The following COL23A1 variants were observed in gnomAD, a reference collection of about 807,000 sequenced individuals.
COL23A1 encodes collagen alpha-1(XXIII) chain.
A neutral mutation model predicts 99.3 loss-of-function variants in COL23A1; 97 were observed. That is an observed-to-expected ratio of 0.98 (90% CI 0.83 to 1.16). The LOEUF is 1.16. Among genes scored for constraint, COL23A1 ranks in the 50% most tolerant of loss-of-function variants. COL23A1 has a pLI of 0.00. For missense variants in COL23A1, 762 were observed against 757.4 expected (o/e 1.01, Z -0.07); for synonymous variants, 320 against 308.2 (o/e 1.04, Z -0.40).
At chr5:178,290,444 C>T in intron 3 of COL23A1, 75 bp from the exon 4 acceptor site, 1 of 1,590,954 alleles carries the variant, frequency 6.3e-7, no homozygotes, top group South Asian at 1.1e-5. Flanking sequence ...GCACGGTCCC[C>T]TCACCTGTCC....
intron 2 of COL23A1, among the ~76,000 whole-genome samples, chr5:178,385,150 T>C (rs762330747): frequency 6.6e-6 from 1 of 152,174 alleles, no homozygotes; most frequent in Non-Finnish European, 1.5e-5. Context: ...ACTTGCTGTC[T>C]CCTGGGCTCT....
At chr5:178,585,288 C>G (rs892908211) in intron 1 of COL23A1, among the ~76,000 whole-genome samples, 1 of 152,064 alleles carries the variant, frequency 6.6e-6, no homozygotes, top group Non-Finnish European at 1.5e-5. Context: ...CCAGCAGACA[C>G]TGGGGTAACA....
intron 2 of COL23A1, among the ~76,000 whole-genome samples, chr5:178,317,916 C>T (rs528559485): frequency 4.6e-5 from 7 of 152,234 alleles, no homozygotes; most frequent in East Asian, 1.9e-4. Context: ...TATAAAACCA[C>T]GAGATCTCGA....
At chr5:178,388,095 GTTA>G (rs1295418960) in intron 2 of COL23A1, among the ~76,000 whole-genome samples, 1 of 152,156 alleles carries the variant, frequency 6.6e-6, no homozygotes, top group Non-Finnish European at 1.5e-5. Flanking sequence ...GAGCCCTTCC[GTTA>G]TTGCTGGATG....
At chr5:178,477,103 G>A (rs561347501) in intron 2 of COL23A1, among the ~76,000 whole-genome samples, 4 of 152,300 alleles carry the variant, frequency 2.6e-5, no homozygotes, top group South Asian at 2.1e-4. Context: ...AAGCAATGAC[G>A]GCTGGATCTG....
intron 2 of COL23A1, among the ~76,000 whole-genome samples, chr5:178,559,114 G>A (rs1037641018): frequency 1.3e-5 from 2 of 152,136 alleles, no homozygotes; most frequent in Non-Finnish European, 2.9e-5. Context: ...CTTGATCTGT[G>A]AATGGAGTCA....
At chr5:178,551,154 T>C (rs1761980175) in intron 2 of COL23A1, among the ~76,000 whole-genome samples, 2 of 148,304 alleles carry the variant, frequency 1.3e-5, no homozygotes, top group African/African-American at 4.9e-5. Context: ...ATATTATATG[T>C]TATATATTAT....
chr5:178,552,073 C>T (rs1762028683), intron 2 of COL23A1, among the ~76,000 whole-genome samples: 1 of 152,094 alleles, frequency 6.6e-6, no homozygotes, highest in African/African-American at 2.4e-5. Flanking sequence ...TATCATCTTC[C>T]CCAGGAAGGA....
intron 2 of COL23A1, among the ~76,000 whole-genome samples, chr5:178,311,716 GTTTTTT>G (rs1758690690): frequency 1.7e-5 from 1 of 58,986 alleles, no homozygotes; most frequent in Non-Finnish European, 4.1e-5. Flanking sequence ...CTGTGTAACT[GTTTTTT>G]GTTTTGTTTT....
chr5:178,342,569 C>T (rs1187911329), intron 2 of COL23A1, among the ~76,000 whole-genome samples: 1 of 152,194 alleles, frequency 6.6e-6, no homozygotes, highest in Non-Finnish European at 1.5e-5. Context: ...GTCCCACCGG[C>T]CAGAGCATCT....
chr5:178,244,081 G>A (rs1006369656), intron 25 of COL23A1, among the ~76,000 whole-genome samples: 12 of 151,996 alleles, frequency 7.9e-5, no homozygotes, highest in Non-Finnish European at 1.6e-4. Context: ...CTGGGCTCAT[G>A]CCATCCTCCC....
In COL23A1 at chr5:178,580,995, G is replaced by A. The variant is rs1291215332; in HGVS notation, c.294+8909C>T. 2.0e-5 allele frequency among the ~76,000 whole-genome samples: 3 copies of A among 152,284 alleles called. 1 individual carries two copies. Among genetic ancestry groups the A allele is most frequent in the Non-Finnish European group, 4.4e-5 (3 of 68,020 alleles). On this transcript the variant is annotated intron_variant, in intron 1 of 28. Transcript: ENST00000390654. The stretch of plus-strand genomic sequence containing the variant: ...TGCACACCTGCCTGGGTGACAGAGC[G>A]AGACTCTATCTCAAAAAGAAATAAA...
chr5:178,474,632 G>A (rs983073667), intron 2 of COL23A1, among the ~76,000 whole-genome samples: 1 of 152,106 alleles, frequency 6.6e-6, no homozygotes, highest in Non-Finnish European at 1.5e-5. Context: ...CTTTGAACAC[G>A]TTTTTACTAA....
In COL23A1 at chr5:178,255,241, C is replaced by T. The variant is rs568501444; in HGVS notation, c.883-215G>A. Among the ~76,000 whole-genome samples the T allele has an allele frequency of 6.6e-6, 1 of 152,098 alleles. No homozygotes were observed. Among genetic ancestry groups the T allele is most frequent in the Non-Finnish European group, 1.5e-5 (1 of 68,000 alleles). ...TGTTTCCACCTGGTCTGAGGGGCGG[C>T]TGTAATTGCCCTCACGTGGGCATTC... On this transcript the variant is annotated intron_variant, in intron 15 of 28. Coordinates refer to ENST00000390654, the MANE Select transcript of COL23A1 (RefSeq NM_173465.4). The surrounding 1 kb of genome is among the most constrained non-coding windows in gnomAD (Gnocchi z 4.2).
intron 2 of COL23A1, among the ~76,000 whole-genome samples, chr5:178,527,218 C>T (rs1200559529): frequency 6.6e-6 from 1 of 152,194 alleles, no homozygotes; most frequent in Admixed American, 6.5e-5. Flanking sequence ...ACCAGGCATG[C>T]TGGCAGCAAA....
Position 178,259,262 on chromosome 5 carries a change from G to A in COL23A1, c.729+459C>T, listed in dbSNP as rs1043656585. Among the ~76,000 whole-genome samples, 4 of 152,098 alleles carry A rather than the reference G, an allele frequency of 2.6e-5. No homozygotes were observed. In the South Asian group the frequency reaches 8.3e-4, roughly 32 times the overall value. ...TTGCTGAGACCTGAATGAGGTGAAG[G>A]AGGAGGCTGGCCCAGGAGAAGAGGC... On this transcript the variant is annotated intron_variant, in intron 12 of 28. Transcript: ENST00000390654.
At chr5:178,337,305 C>T (rs141924923) in intron 2 of COL23A1, among the ~76,000 whole-genome samples, 33 of 152,368 alleles carry the variant, frequency 2.2e-4, no homozygotes, top group African/African-American at 7.7e-4. Flanking sequence ...GGCCAGACCC[C>T]GGGAAGGAGC....
At chr5:178,323,891 G>C (rs1168975817) in intron 2 of COL23A1, among the ~76,000 whole-genome samples, 1 of 152,208 alleles carries the variant, frequency 6.6e-6, no homozygotes, top group African/African-American at 2.4e-5. Flanking sequence ...TCACAGAGAA[G>C]TGATATGTCC....
intron 1 of COL23A1, among the ~76,000 whole-genome samples, chr5:178,567,429 C>G (rs1348885025): frequency 1.3e-5 from 2 of 152,116 alleles, no homozygotes; most frequent in Non-Finnish European, 2.9e-5. Flanking sequence ...GTCAGGGGCA[C>G]TCGTCAAAGA....
Sources: allele counts gnomAD v4.1 joint callset (sites outside exome capture counted in the v4.1 genomes callset), GRCh38; gene constraint gnomAD v4.1.1; non-coding constraint Gnocchi (gnomAD v3.1); transcripts MANE v1.5; gene names NCBI Gene and HGNC (gene_info 2026-07-23, HGNC 2026-07-21).